Variants in PDE1A observed in about 807,000 individuals in gnomAD.
The protein encoded by PDE1A is dual specificity calcium/calmodulin-dependent 3',5'-cyclic nucleotide phosphodiesterase 1A.
A neutral mutation model predicts 61.7 loss-of-function variants in PDE1A; 35 were observed. The ratio of observed to expected loss-of-function variants is 0.57; its 90% CI spans 0.43 to 0.75. The LOEUF (loss-of-function observed/expected upper bound fraction) is 0.75, where lower values mean the gene tolerates loss of function less well. Ranked by LOEUF, PDE1A falls within the 30% of genes least tolerant of loss-of-function variation. The pLI is 0.00. For synonymous variants in PDE1A, 232 were observed against 213.2 expected (o/e 1.09, Z -0.77); for missense variants, 597 against 630.6 (o/e 0.95, Z 0.57).
chr2:182,177,344 A>G (rs1684336158), intron 13 of PDE1A, among the ~76,000 whole-genome samples: 1 of 151,828 alleles, frequency 6.6e-6, no homozygotes, highest in Non-Finnish European at 1.5e-5. Context: ...TAAGCTATTG[A>G]TTATTGCCAC....
chr2:182,424,890 G>T (rs1020314455), intron 1 of PDE1A, among the ~76,000 whole-genome samples: 2 of 152,086 alleles, frequency 1.3e-5, no homozygotes, highest in Non-Finnish European at 2.9e-5. Context: ...ACAACTCCCT[G>T]GTGAAAGTAT....
intron 7 of PDE1A, among the ~76,000 whole-genome samples, chr2:182,212,614 G>T (rs1452229300): frequency 1.3e-5 from 2 of 152,254 alleles, no homozygotes; most frequent in Non-Finnish European, 2.9e-5. Flanking sequence ...GAAGCGCAAG[G>T]GGTCAGGGAG....
chr2:182,177,733 T>A (rs924293419), intron 13 of PDE1A, among the ~76,000 whole-genome samples: 1 of 147,012 alleles, frequency 6.8e-6, no homozygotes, highest in Non-Finnish European at 1.5e-5. Flanking sequence ...GATTTCCCCA[T>A]AATAAAAAAA....
chr2:182,641,019 C>CAAA, the PDE1A span, among the ~76,000 whole-genome samples: 1 of 61,324 alleles, frequency 1.6e-5, no homozygotes, highest in African/African-American at 7.1e-5. Context: ...GACTCCATCT[C>CAAA]AAAAAAAAAA....
intron 1 of PDE1A, among the ~76,000 whole-genome samples, chr2:182,425,614 T>G (rs1703569659): frequency 6.6e-6 from 1 of 152,200 alleles, no homozygotes; most frequent in East Asian, 1.9e-4. Flanking sequence ...GGCCACATTT[T>G]ATATAATTAT....
chr2:182,251,404 C>CTT lies in PDE1A; in HGVS notation c.168-11114_168-11113dup, dbSNP rs55976233. ...AATTTCTAATGGTCTCTCTGTTTCT[C>CTT]TTTTTTTGTGTATGGTCTCATTGTG... is the stretch of plus-strand genomic sequence containing the variant. On this transcript the variant is annotated intron_variant, in intron 2 of 13. Coordinates refer to ENST00000351439, the Ensembl canonical transcript of PDE1A. 1.9e-3 allele frequency among the ~76,000 whole-genome samples: 287 copies of CTT among 152,030 alleles called. 2 individuals carry two copies. The highest frequency in any genetic ancestry group is 6.7e-3 in the African/African-American group (276 of 41,486).
chr2:182,690,292 C>A, the PDE1A span, among the ~76,000 whole-genome samples: 1 of 152,142 alleles, frequency 6.6e-6, no homozygotes, highest in Non-Finnish European at 1.5e-5. Flanking sequence ...AAAATACTGG[C>A]AAATGGAATC....
At chr2:182,362,881 A>C (rs1456973077) in intron 1 of PDE1A, among the ~76,000 whole-genome samples, 1 of 152,138 alleles carries the variant, frequency 6.6e-6, no homozygotes, top group African/African-American at 2.4e-5. Context: ...AATACTATGC[A>C]GCCATAAAAA....
At chr2:182,330,902 T>C (rs1158123678) in intron 1 of PDE1A, among the ~76,000 whole-genome samples, 3 of 152,132 alleles carry the variant, frequency 2.0e-5, no homozygotes, top group African/African-American at 4.8e-5. Context: ...CCTGGCCCCA[T>C]AGGGAAATCT....
chr2:182,531,253 C>CA, the PDE1A span, among the ~76,000 whole-genome samples: 6 of 150,358 alleles, frequency 4.0e-5, no homozygotes, highest in Admixed American at 4.0e-4. Flanking sequence ...AACAAGAAAG[C>CA]AAAAAATCAA....
chr2:182,527,457 C>A (rs1690796673), upstream of PDE1A, among the ~76,000 whole-genome samples: 1 of 145,002 alleles, frequency 6.9e-6, no homozygotes, highest in African/African-American at 2.6e-5. Flanking sequence ...ACTTGGGGGG[C>A]TGAGGTGGGA....
intron 1 of PDE1A, among the ~76,000 whole-genome samples, chr2:182,341,385 AT>A (rs1472258677): frequency 6.6e-6 from 1 of 152,208 alleles, no homozygotes; most frequent in Non-Finnish European, 1.5e-5. Flanking sequence ...ATTTCTAACT[AT>A]AAAAACAGCA....
chr2:182,413,105 A>G (rs1702715005), intron 1 of PDE1A, among the ~76,000 whole-genome samples: 1 of 152,180 alleles, frequency 6.6e-6, no homozygotes, highest in Admixed American at 6.5e-5. Context: ...CCTAGGAGCA[A>G]TAAGTCACCC....
At chr2:182,185,753 C>G in intron 13 of PDE1A, 139 bp downstream of exon 13, 1 of 1,485,966 alleles carries the variant, frequency 6.7e-7, no homozygotes, top group South Asian at 1.3e-5. Context: ...CATGAATGAT[C>G]AAAGAGTAGC....
chr2:182,673,541 G>A, the PDE1A span, among the ~76,000 whole-genome samples: 6 of 151,984 alleles, frequency 3.9e-5, no homozygotes, highest in Non-Finnish European at 7.4e-5. Context: ...CAGAAAATGC[G>A]TCACTTAAAA....
chr2:182,233,803 A>G (rs1008202941), intron 4 of PDE1A, among the ~76,000 whole-genome samples: 1 of 151,864 alleles, frequency 6.6e-6, no homozygotes, highest in African/African-American at 2.4e-5. Context: ...ACACACACAC[A>G]CACACACACA....
intron 5 of PDE1A, among the ~76,000 whole-genome samples, chr2:182,230,497 G>A (rs1423889097): frequency 1.3e-5 from 2 of 152,064 alleles, no homozygotes; most frequent in African/African-American, 2.4e-5. Flanking sequence ...AATACAAAGA[G>A]GTTAAAATAG....
intron 1 of PDE1A, among the ~76,000 whole-genome samples, chr2:182,318,976 T>C (rs1175970015): frequency 6.6e-6 from 1 of 152,206 alleles, no homozygotes; most frequent in Non-Finnish European, 1.5e-5. Flanking sequence ...TGTTGAGAAC[T>C]GCCTTGGAGA....
the PDE1A span, among the ~76,000 whole-genome samples, chr2:182,638,286 C>T: frequency 4.6e-5 from 7 of 152,226 alleles, no homozygotes; most frequent in South Asian, 1.2e-3. Context: ...CACCTGTAAT[C>T]CCAGCACTTT....
Sources: gnomAD v4.1 joint callset for allele counts (sites outside exome capture counted in the v4.1 genomes callset) on GRCh38, gnomAD v4.1.1 for gene constraint, MANE v1.5 for transcripts, NCBI Gene and HGNC (gene_info 2026-07-23, HGNC 2026-07-21) for gene names.